The following FAT3 variants were observed in gnomAD, a reference collection of about 807,000 sequenced individuals.
FAT3 encodes FAT atypical cadherin 3.
FAT3 carries 95 observed loss-of-function variants against 310.2 expected under a neutral mutation model. That is an observed-to-expected ratio of 0.31 (90% confidence interval 0.26 to 0.36). FAT3 has a LOEUF of 0.36. Ranked by LOEUF, FAT3 falls within the 10% of genes least tolerant of loss-of-function variation. The probability of loss-of-function intolerance (pLI) is 1.00; values close to 1 mark genes in which losing one functional copy is unlikely to be tolerated. For synonymous variants in FAT3, 2,314 were observed against 2,192.9 expected (o/e 1.06, Z -1.54); for missense variants, 5,408 against 5,715.6 (o/e 0.95, Z 1.74).
At chr11:92,373,421 G>A (rs922229591) in intron 2 of FAT3, among the ~76,000 whole-genome samples, 3 of 152,052 alleles carry the variant, frequency 2.0e-5, no homozygotes, top group Admixed American at 6.6e-5. Flanking sequence ...AAAATCCATG[G>A]TTCTATCTCT....
At chr11:92,620,389 A>G (rs1436438301) in intron 3 of FAT3, among the ~76,000 whole-genome samples, 1 of 152,186 alleles carries the variant, frequency 6.6e-6, no homozygotes, top group African/African-American at 2.4e-5. Flanking sequence ...GCATTGTTCA[A>G]GTCTTCTATT....
At chr11:92,266,521 C>G (rs1238986328) in intron 1 of FAT3, among the ~76,000 whole-genome samples, 1 of 152,072 alleles carries the variant, frequency 6.6e-6, no homozygotes, top group Non-Finnish European at 1.5e-5. Context: ...GTTTTCATTC[C>G]TTTTATTAAT....
At position 92,367,645 on chromosome 11, in the gene FAT3, C is replaced by A. The variant is rs1041514048; in HGVS notation, c.3292+12241C>A. Among the ~76,000 whole-genome samples, 22 of 150,324 alleles carry A rather than the reference C, an allele frequency of 1.5e-4. 1 individual carries two copies. Among genetic ancestry groups the A allele is most frequent in the Admixed American group, 6.0e-4 (9 of 15,104 alleles). On this transcript the variant is annotated intron_variant, in intron 2 of 27. Coordinates refer to ENST00000525166, the MANE Select transcript of FAT3 (RefSeq NM_001367949.2). ...GACCTTGCCTCCAAAAAAACAACAA[C>A]AAAAAAAAACTGATAGTAGAGACAG...
At chr11:92,819,707 T>C (rs1947911011) in intron 13 of FAT3, among the ~76,000 whole-genome samples, 1 of 152,218 alleles carries the variant, frequency 6.6e-6, no homozygotes, top group Non-Finnish European at 1.5e-5. Context: ...AATAACAAAA[T>C]CTAGTGCAGT....
chr11:92,631,548 C>T (rs1316022674), intron 3 of FAT3, among the ~76,000 whole-genome samples: 1 of 152,048 alleles, frequency 6.6e-6, no homozygotes, highest in African/African-American at 2.4e-5. Flanking sequence ...CTTTCTGTCT[C>T]TCCTGCTACC....
intron 21 of FAT3, among the ~76,000 whole-genome samples, chr11:92,860,644 A>G (rs549998713): frequency 6.6e-6 from 1 of 152,330 alleles, no homozygotes; most frequent in Non-Finnish European, 1.5e-5. Context: ...CTTGAAGAGT[A>G]CATGGTGGAC....
At chr11:92,884,129 G>A (rs1348732602) in intron 24 of FAT3, among the ~76,000 whole-genome samples, 3 of 152,206 alleles carry the variant, frequency 2.0e-5, no homozygotes, top group African/African-American at 4.8e-5. Flanking sequence ...AAGAGCCACA[G>A]GTGCAAAAGT....
intron 1 of FAT3, among the ~76,000 whole-genome samples, chr11:92,232,099 C>G (rs1565341156): frequency 6.6e-6 from 1 of 152,114 alleles, no homozygotes; most frequent in Non-Finnish European, 1.5e-5. Flanking sequence ...GTGGTACCGT[C>G]CCATGCTAGG....
At chr11:92,522,981 C>T (rs1369594816) in intron 2 of FAT3, among the ~76,000 whole-genome samples, 5 of 152,246 alleles carry the variant, frequency 3.3e-5, no homozygotes, top group Admixed American at 2.6e-4. Flanking sequence ...AAAGAGAGCA[C>T]CTTCGGCACA....
chr11:92,299,800 GT>G (rs1946946264), intron 1 of FAT3, among the ~76,000 whole-genome samples: 2 of 152,054 alleles, frequency 1.3e-5, no homozygotes, highest in African/African-American at 4.8e-5. Flanking sequence ...ACCAATATAG[GT>G]TTTGCAAAAG....
At chr11:92,322,292 T>G (rs1472748742) in intron 1 of FAT3, among the ~76,000 whole-genome samples, 2 of 152,190 alleles carry the variant, frequency 1.3e-5, no homozygotes, top group Non-Finnish European at 2.9e-5. Flanking sequence ...TATACATACC[T>G]TAATTTAAAA....
chr11:92,608,474 G>A (rs978704096), intron 3 of FAT3, among the ~76,000 whole-genome samples: 2 of 151,956 alleles, frequency 1.3e-5, no homozygotes, highest in African/African-American at 4.8e-5. Context: ...ACCTGCTTGG[G>A]TGTGAAATAT....
intron 3 of FAT3, among the ~76,000 whole-genome samples, chr11:92,552,882 G>A (rs1954870548): frequency 6.6e-6 from 1 of 151,878 alleles, no homozygotes; most frequent in Non-Finnish European, 1.5e-5. Context: ...CCCCAGAGGT[G>A]GAAGTTGCAG....
chr11:92,886,994 A>T lies in FAT3; in HGVS notation c.12938-6A>T, dbSNP rs12421052. 165,455 of 1,593,294 alleles carry T rather than the reference A, an allele frequency of 0.1. 9,212 individuals carry two copies. The highest frequency in any genetic ancestry group is 0.15 in the Admixed American group (8,530 of 56,504). ...ATTTCTGCTTTCTCTTTCACTGTCC[A>T]TGAAGACAAAGGGGTTGATGACCCG... On this transcript the variant is annotated splice_polypyrimidine_tract_variant and splice_region_variant and intron_variant, in intron 24 of 27. Coordinates refer to ENST00000525166, the MANE Select transcript of FAT3 (RefSeq NM_001367949.2).
chr11:92,715,863 G>A (rs1227840394), intron 4 of FAT3, among the ~76,000 whole-genome samples: 1 of 151,890 alleles, frequency 6.6e-6, no homozygotes, highest in African/African-American at 2.4e-5. Context: ...GATATAAAGA[G>A]GGATGCATAT....
chr11:92,492,110 A>T (rs1952618136), intron 2 of FAT3, among the ~76,000 whole-genome samples: 1 of 152,080 alleles, frequency 6.6e-6, no homozygotes, highest in African/African-American at 2.4e-5. Flanking sequence ...GACCTAGGTG[A>T]TTCTGAACTA....
chr11:92,794,714 AG>A (rs57451775), intron 9 of FAT3, among the ~76,000 whole-genome samples: 2,214 of 152,308 alleles, frequency 0.015, 69 homozygotes, highest in African/African-American at 0.051. Context: ...CCAAACTTCC[AG>A]AAAACCATGG....
chr11:92,286,672 G>A (rs1364996516), intron 1 of FAT3, among the ~76,000 whole-genome samples: 1 of 152,132 alleles, frequency 6.6e-6, no homozygotes. Context: ...TTTTACCATA[G>A]GATAGCATAG....
intron 19 of FAT3, among the ~76,000 whole-genome samples, chr11:92,851,298 C>A (rs916106950): frequency 2.6e-5 from 4 of 152,032 alleles, no homozygotes; most frequent in Admixed American, 2.0e-4. Context: ...GTTTTGAGAC[C>A]CTGTAGTAAT....
Sources: gnomAD v4.1 joint callset for allele counts (sites outside exome capture counted in the v4.1 genomes callset) on GRCh38, gnomAD v4.1.1 for gene constraint, MANE v1.5 for transcripts, NCBI Gene and HGNC (gene_info 2026-07-23, HGNC 2026-07-21) for gene names.